PRDM16: variants seen among roughly 807,000 people sequenced by gnomAD.
PRDM16 encodes the protein PR/SET domain 16, also known as histone-lysine N-methyltransferase PRDM16.
In PRDM16, 23 loss-of-function variants were observed where a neutral mutation model predicts 110.6. The ratio of observed to expected loss-of-function variants is 0.21; its 90% CI spans 0.15 to 0.29. The LOEUF (loss-of-function observed/expected upper bound fraction) is 0.29. PRDM16 is among the 10% of genes least tolerant of loss of function. The pLI is 1.00. For synonymous variants in PRDM16, 799 were observed against 781.8 expected (o/e 1.02, Z -0.37); for missense variants, 1,615 against 1,794.3 (o/e 0.90, Z 1.81).
intron 3 of PRDM16, among the ~76,000 whole-genome samples, chr1:3,300,442 G>A (rs1641183836): frequency 6.6e-6 from 1 of 151,122 alleles, no homozygotes; most frequent in Non-Finnish European, 1.5e-5. Flanking sequence ...CCTTGTTGAA[G>A]ATGCTATGCT....
chr1:3,093,643 C>G (rs1642327289), intron 1 of PRDM16, among the ~76,000 whole-genome samples: 1 of 152,100 alleles, frequency 6.6e-6, no homozygotes, highest in Non-Finnish European at 1.5e-5. Context: ...TTCTCGGAGG[C>G]TGCATGCTGT....
At position 3,209,844 on chromosome 1, in the gene PRDM16, C is replaced by A. The variant is rs1638840656; in HGVS notation, c.387+23370C>A. ...AACCCGGGGATCTAAGACGGGCATGCTGGAAAAGTAGTGACAGTTATTTGC... is the reference window on the plus strand; with the variant it reads ...AACCCGGGGATCTAAGACGGGCATGATGGAAAAGTAGTGACAGTTATTTGC... On this transcript the variant is annotated intron_variant, in intron 2 of 16. Coordinates refer to ENST00000270722, the MANE Select transcript of PRDM16 (RefSeq NM_022114.4). The surrounding 1 kb of genome is among the most constrained non-coding windows in gnomAD (Gnocchi z 4.6). 6.6e-6 allele frequency among the ~76,000 whole-genome samples: 1 copy of A among 152,180 alleles called. No individual in the cohort carries two copies. Among genetic ancestry groups the A allele is most frequent in the Non-Finnish European group, 1.5e-5 (1 of 68,024 alleles).
At chr1:3,306,834 C>T (rs115373811) in intron 3 of PRDM16, 66 of 152,294 alleles carry the variant, frequency 4.3e-4, no homozygotes, top group African/African-American at 1.5e-3. Context: ...GCACTCTCCC[C>T]ATGTCCCCCT....
At chr1:3,194,213 G>C (rs1259977264) in intron 2 of PRDM16, among the ~76,000 whole-genome samples, 1 of 152,204 alleles carries the variant, frequency 6.6e-6, no homozygotes, top group East Asian at 1.9e-4. Flanking sequence ...GGCTATTTAG[G>C]ATGGTTGTTG....
chr1:3,389,714 G>A lies in PRDM16; in HGVS notation c.573+4428G>A, dbSNP rs541428770. Reference sequence around the variant, plus strand: ...CCCTTCCGAGGCCAAGGGTCCCGCTGCTCCTGAAGCGGCGCAGGCTCTCTG... The same window carrying A: ...CCCTTCCGAGGCCAAGGGTCCCGCTACTCCTGAAGCGGCGCAGGCTCTCTG... On this transcript the variant is annotated intron_variant, in intron 4 of 16. Transcript: ENST00000270722. 5.3e-5 allele frequency among the ~76,000 whole-genome samples: 8 copies of A among 152,364 alleles called. No individual in the cohort carries two copies. The South Asian group carries it at 1.7e-3, about 32-fold the overall frequency.
At chr1:3,215,062 G>A (rs577489752) in intron 2 of PRDM16, among the ~76,000 whole-genome samples, 3 of 152,280 alleles carry the variant, frequency 2.0e-5, no homozygotes, top group Admixed American at 6.5e-5. Flanking sequence ...CAATGGGACC[G>A]TATCCAAACA....
At chr1:3,284,381 G>A (rs1297548449) in intron 3 of PRDM16, among the ~76,000 whole-genome samples, 1 of 152,208 alleles carries the variant, frequency 6.6e-6, no homozygotes, top group Non-Finnish European at 1.5e-5. Flanking sequence ...GGGGGAGGGA[G>A]GAAGAGCCAG....
In PRDM16 at chr1:3,435,938, C is replaced by T. The variant is rs1164150576; in HGVS notation, c.*2127C>T. 5 of 231,324 alleles carry T rather than the reference C, an allele frequency of 2.2e-5. No individual in the cohort carries two copies. Among genetic ancestry groups the T allele is most frequent in the Admixed American group, 5.6e-5 (1 of 17,730 alleles). The allele number at this position is 231,324 out of a possible 1,614,324, so 14.3% of individuals were successfully genotyped here. On this transcript the variant is annotated 3_prime_UTR_variant, in exon 17 of 17. Transcript: ENST00000270722. ...GTGCGCTGGGGCCATGGGGTGGCCC[C>T]GCCGGGGCAGCGGGGGAGCTGCCTG... is the stretch of plus-strand genomic sequence containing the variant.
intron 1 of PRDM16, among the ~76,000 whole-genome samples, chr1:3,072,073 C>T (rs1012903961): frequency 6.6e-6 from 1 of 152,146 alleles, no homozygotes. Flanking sequence ...AAACCTACAG[C>T]CTCCTCCACC....
intron 1 of PRDM16, among the ~76,000 whole-genome samples, chr1:3,183,875 A>C (rs1214578571): frequency 6.6e-6 from 1 of 152,182 alleles, no homozygotes; most frequent in African/African-American, 2.4e-5. Flanking sequence ...CTTCGGGCAG[A>C]GGCGCCCACG....
rs201807364 is a variant in PRDM16, at chr1:3,412,323, T to C, written c.2126T>C (p.Met709Thr). The change falls in exon 9 of 17, where the codon ATG becomes ACG. Residue 709 changes from methionine (M) to threonine (T), a missense_variant. Physicochemically the swap from Met to Thr is moderately conservative, Grantham distance 81. Coordinates refer to ENST00000270722, the MANE Select transcript of PRDM16 (RefSeq NM_022114.4). ...IAEKYFGPGF[M>T]GMQEKKLGSL... ...GAGAAGTACTTTGGCCCCGGCTTCA[T>C]GGGGATGCAGGAGAAGAAGCTGGGC... is the stretch of plus-strand genomic sequence containing the variant. 71 of 1,613,824 alleles carry C rather than the reference T, an allele frequency of 4.4e-5. No homozygotes were observed. The African/African-American group carries it at 8.5e-4, about 19-fold the overall frequency.
chr1:3,296,043 C>A (rs543135108), intron 3 of PRDM16, among the ~76,000 whole-genome samples: 69 of 152,326 alleles, frequency 4.5e-4, no homozygotes, highest in African/African-American at 1.5e-3. Flanking sequence ...CCATCCTAAG[C>A]TGGGGACTTG....
In PRDM16 at chr1:3,344,915, A is replaced by G. The variant is rs147078493; in HGVS notation, c.439-40237A>G. Among the ~76,000 whole-genome samples the G allele has an allele frequency of 3.6e-3, 552 of 152,332 alleles. 6 individuals carry two copies. Among genetic ancestry groups the G allele is most frequent in the African/African-American group, 0.013 (540 of 41,578 alleles). ...TAAGCAGCAAGTGAAATCTCTGTGT[A>G]GCTCTTGTTTTCTGTGGGGCCCTTT... On this transcript the variant is annotated intron_variant, in intron 3 of 16. Coordinates refer to ENST00000270722, the MANE Select transcript of PRDM16 (RefSeq NM_022114.4).
At chr1:3,278,584 C>A (rs1481575044) in intron 3 of PRDM16, among the ~76,000 whole-genome samples, 1 of 152,214 alleles carries the variant, frequency 6.6e-6, no homozygotes, top group Non-Finnish European at 1.5e-5. Flanking sequence ...GGCCCTGGAA[C>A]CTCAGCCGCA....
chr1:3,299,201 G>C (rs984347390), intron 3 of PRDM16, among the ~76,000 whole-genome samples: 30 of 151,034 alleles, frequency 2.0e-4, no homozygotes, highest in Non-Finnish European at 3.5e-4. Flanking sequence ...TCCCAGTCGT[G>C]GTGGCTCTGC....
At chr1:3,093,193 G>A (rs1263652086) in intron 1 of PRDM16, among the ~76,000 whole-genome samples, 1 of 152,192 alleles carries the variant, frequency 6.6e-6, no homozygotes, top group Non-Finnish European at 1.5e-5. Flanking sequence ...GCCCAGGCTG[G>A]CTGATGTCAG....
At chr1:3,192,318 C>T (rs1424850616) in intron 2 of PRDM16, among the ~76,000 whole-genome samples, 1 of 152,160 alleles carries the variant, frequency 6.6e-6, no homozygotes, top group Non-Finnish European at 1.5e-5. Context: ...GGCCTTGCTT[C>T]TCTGGGAGTT....
intron 5 of PRDM16, among the ~76,000 whole-genome samples, chr1:3,397,604 G>A (rs1643405480): frequency 6.6e-6 from 1 of 152,270 alleles, no homozygotes; most frequent in Non-Finnish European, 1.5e-5. Flanking sequence ...TACTTTGGGA[G>A]GCCCCGCAAG....
intron 5 of PRDM16, among the ~76,000 whole-genome samples, chr1:3,397,676 G>GA (rs557348445): frequency 1.6e-4 from 24 of 152,376 alleles, no homozygotes; most frequent in African/African-American, 5.8e-4. Context: ...GCTGGTGCTG[G>GA]AGCCTGGAGG....
Sources: gnomAD v4.1 joint callset for allele counts (sites outside exome capture counted in the v4.1 genomes callset) on GRCh38, gnomAD v4.1.1 for gene constraint, Gnocchi (gnomAD v3.1) non-coding constraint, MANE v1.5 for transcripts, NCBI Gene and HGNC (gene_info 2026-07-23, HGNC 2026-07-21) for gene names.